BABAM2: variants seen among roughly 807,000 people sequenced by gnomAD.
BABAM2 encodes BRISC and BRCA1-A complex member 2.
In BABAM2, 31 loss-of-function variants were observed where a neutral mutation model predicts 54.7. That is an observed-to-expected ratio of 0.57 (90% CI 0.43 to 0.77). The LOEUF (loss-of-function observed/expected upper bound fraction) is 0.77. Among genes scored for constraint, BABAM2 ranks in the 30% least tolerant of loss-of-function variants. The pLI is 0.00. For missense variants in BABAM2, 364 were observed against 455.8 expected, an observed-to-expected ratio of 0.80 and a Z score of 1.83; for synonymous variants, 167 against 162.9, an observed-to-expected ratio of 1.03 and a Z score of -0.19.
chr2:28,020,822 G>C (rs1248213442), intron 4 of BABAM2, among the ~76,000 whole-genome samples: 2 of 151,958 alleles, frequency 1.3e-5, no homozygotes, highest in African/African-American at 4.8e-5. Context: ...TATTACAAAT[G>C]ACTCTATGTG....
At chr2:28,302,286 A>G (rs566536834) in intron 11 of BABAM2, among the ~76,000 whole-genome samples, 2 of 152,204 alleles carry the variant, frequency 1.3e-5, no homozygotes, top group East Asian at 1.9e-4. Context: ...GCATGCTGGC[A>G]CAAGCCTATA....
At chr2:28,115,712 C>T (rs763661606) in intron 6 of BABAM2, among the ~76,000 whole-genome samples, 7 of 151,790 alleles carry the variant, frequency 4.6e-5, no homozygotes, top group South Asian at 2.1e-4. Flanking sequence ...GGATGTAGAC[C>T]GGGGAGAAGG....
chr2:27,909,961 T>C (rs1018574048), intron 2 of BABAM2, among the ~76,000 whole-genome samples: 1 of 152,240 alleles, frequency 6.6e-6, no homozygotes, highest in Admixed American at 6.5e-5. Context: ...AAACGTTTTG[T>C]TGCATATAAT....
chr2:27,982,882 CAT>C (rs1553405558), intron 3 of BABAM2, among the ~76,000 whole-genome samples: 14 of 146,328 alleles, frequency 9.6e-5, no homozygotes, highest in South Asian at 2.2e-4. Flanking sequence ...CACACACACA[CAT>C]ATATGTCACA....
Position 28,325,870 on chromosome 2 carries a change from A to G in BABAM2, c.1089-12580A>G, listed in dbSNP as rs1690403986. Among the ~76,000 whole-genome samples the G allele has an allele frequency of 6.6e-6, 1 of 152,228 alleles. No homozygotes were observed. Among genetic ancestry groups the G allele is most frequent in the South Asian group, 2.1e-4 (1 of 4,834 alleles). On this transcript the variant is annotated intron_variant, in intron 11 of 11. Coordinates refer to ENST00000379624, the MANE Select transcript of BABAM2 (RefSeq NM_199191.3). This position sits in a 1 kb window ranked among gnomAD's most constrained non-coding sequence, Gnocchi z 4.3. Reference sequence around the variant, plus strand: ...AGATCTGGTGGAAGAAAGTGAACTTACAACCAGGCAAATAACACTTCAAAG... The same window carrying G: ...AGATCTGGTGGAAGAAAGTGAACTTGCAACCAGGCAAATAACACTTCAAAG...
chr2:28,228,516 GC>G (rs2148033198), intron 7 of BABAM2, among the ~76,000 whole-genome samples: 1 of 152,210 alleles, frequency 6.6e-6, no homozygotes, highest in Non-Finnish European at 1.5e-5. Context: ...GAGCAGTAAA[GC>G]CATTCATTGG....
intron 10 of BABAM2, among the ~76,000 whole-genome samples, chr2:28,268,722 C>A (rs1294308079): frequency 6.6e-6 from 1 of 152,184 alleles, no homozygotes. Flanking sequence ...TGCCGGCCCC[C>A]GTTGTTTGGA....
intron 11 of BABAM2, among the ~76,000 whole-genome samples, chr2:28,298,756 A>G (rs1386115367): frequency 6.6e-6 from 1 of 152,208 alleles, no homozygotes; most frequent in African/African-American, 2.4e-5. Context: ...TAGCTTCATC[A>G]GGAAGAAGCT....
At chr2:28,128,214 T>G (rs1669740068) in intron 6 of BABAM2, among the ~76,000 whole-genome samples, 2 of 152,192 alleles carry the variant, frequency 1.3e-5, no homozygotes, top group South Asian at 4.1e-4. Flanking sequence ...GAAATATAGG[T>G]CCGTTCTTAC....
At chr2:27,962,142 C>T (rs538188121) in intron 3 of BABAM2, among the ~76,000 whole-genome samples, 1 of 152,014 alleles carries the variant, frequency 6.6e-6, no homozygotes, top group Admixed American at 6.5e-5. Context: ...AGATCTCACT[C>T]TGTGTCACCC....
intron 2 of BABAM2, among the ~76,000 whole-genome samples, chr2:27,925,795 C>T (rs139812007): frequency 2.6e-5 from 4 of 152,300 alleles, no homozygotes; most frequent in East Asian, 1.9e-4. Context: ...TCCTTTCCAG[C>T]GCCATTCTTG....
chr2:28,008,076 A>G (rs1427224340), intron 4 of BABAM2, among the ~76,000 whole-genome samples: 1 of 152,200 alleles, frequency 6.6e-6, no homozygotes. Flanking sequence ...ATTTGCATAG[A>G]GATGAATAAA....
intron 10 of BABAM2, among the ~76,000 whole-genome samples, chr2:28,293,962 T>C (rs576719790): frequency 6.6e-5 from 10 of 152,182 alleles, no homozygotes; most frequent in Non-Finnish European, 1.5e-4. Context: ...CAACCAAGAT[T>C]TAGTCTCTGT....
intron 7 of BABAM2, among the ~76,000 whole-genome samples, chr2:28,205,156 A>G (rs1236019387): frequency 1.3e-5 from 2 of 152,022 alleles, no homozygotes; most frequent in East Asian, 3.9e-4. Context: ...TGATATAGGG[A>G]AAGAGGGGCA....
chr2:27,994,579 G>T (rs1471954866), intron 4 of BABAM2, among the ~76,000 whole-genome samples: 1 of 152,142 alleles, frequency 6.6e-6, no homozygotes, highest in Non-Finnish European at 1.5e-5. Context: ...CTATGTGCTT[G>T]TCTTCTTTCA....
At chr2:28,157,453 G>A (rs1420463302) in intron 7 of BABAM2, among the ~76,000 whole-genome samples, 2 of 152,162 alleles carry the variant, frequency 1.3e-5, no homozygotes, top group Non-Finnish European at 2.9e-5. Flanking sequence ...ACAGATTCAA[G>A]GTAGACAGGC....
intron 6 of BABAM2, among the ~76,000 whole-genome samples, chr2:28,091,416 A>G (rs1008931484): frequency 6.6e-6 from 1 of 152,206 alleles, no homozygotes; most frequent in African/African-American, 2.4e-5. Flanking sequence ...AGGGTTGGGA[A>G]GGAGTAGTTC....
intron 3 of BABAM2, among the ~76,000 whole-genome samples, chr2:27,936,692 G>T (rs922022442): frequency 2.0e-5 from 3 of 151,818 alleles, no homozygotes; most frequent in East Asian, 3.9e-4. Flanking sequence ...GTAAACTATC[G>T]CAAGGACAAA....
chr2:28,311,804 C>A (rs1276049810), intron 11 of BABAM2, among the ~76,000 whole-genome samples: 1 of 152,122 alleles, frequency 6.6e-6, no homozygotes, highest in Non-Finnish European at 1.5e-5. Context: ...ATCTCTGTTG[C>A]CGGAGGTCAG....
Sources: gnomAD v4.1 joint callset for allele counts (sites outside exome capture counted in the v4.1 genomes callset) on GRCh38, gnomAD v4.1.1 for gene constraint, Gnocchi (gnomAD v3.1) non-coding constraint, MANE v1.5 for transcripts, NCBI Gene and HGNC (gene_info 2026-07-23, HGNC 2026-07-21) for gene names.